Variants in NTRK3 observed in about 807,000 individuals in gnomAD.
The protein encoded by NTRK3 is neurotrophic receptor tyrosine kinase 3.
NTRK3 carries 24 observed loss-of-function variants against 91.7 expected under a neutral mutation model. That is an observed-to-expected ratio of 0.26 (90% CI 0.19 to 0.37). NTRK3 has a LOEUF of 0.37. Ranked by LOEUF, NTRK3 falls within the 10% of genes least tolerant of loss-of-function variation. NTRK3 has a pLI of 1.00. For synonymous variants in NTRK3, 483 were observed against 404.0 expected (o/e 1.20, Z -2.34); for missense variants, 880 against 1,068.9 (o/e 0.82, Z 2.46).
rs139049748 is a variant in NTRK3, at chr15:88,081,272, A to G, written c.1396+44999T>C. On this transcript the variant is annotated intron_variant, in intron 13 of 18. Transcript: ENST00000394480. ...CCAGTACCTAGGCTCAGAAGGTGAC[A>G]GAAGGATGGGGTGGAGTGGGACAGG... is the stretch of plus-strand genomic sequence containing the variant. Among the ~76,000 whole-genome samples, 888 of 152,304 alleles carry G rather than the reference A, an allele frequency of 5.8e-3. 15 individuals are homozygous for G. The highest frequency in any genetic ancestry group is 0.016 in the South Asian group (75 of 4,828).
chr15:88,087,127 G>A (rs181435747), intron 13 of NTRK3, among the ~76,000 whole-genome samples: 6 of 152,310 alleles, frequency 3.9e-5, no homozygotes, highest in South Asian at 2.1e-4. Flanking sequence ...GATGTGAGGC[G>A]AATATAACAA....
intron 6 of NTRK3, among the ~76,000 whole-genome samples, chr15:88,146,891 G>A (rs943559581): frequency 3.3e-5 from 5 of 152,096 alleles, no homozygotes; most frequent in Non-Finnish European, 7.4e-5. Flanking sequence ...GTCTTTCTAA[G>A]CCTCAGAATC....
intron 14 of NTRK3, among the ~76,000 whole-genome samples, chr15:88,019,609 G>C (rs1246764529): frequency 6.6e-6 from 1 of 152,196 alleles, no homozygotes; most frequent in Non-Finnish European, 1.5e-5. Flanking sequence ...AGCTTTCTCA[G>C]TTTCAACCCA....
At chr15:88,104,220 C>T (rs750194260) in intron 13 of NTRK3, among the ~76,000 whole-genome samples, 4 of 152,194 alleles carry the variant, frequency 2.6e-5, no homozygotes, top group African/African-American at 4.8e-5. Flanking sequence ...TGAAAGATGA[C>T]GACTTTTCAC....
chr15:88,000,632 C>T (rs1303302095), intron 14 of NTRK3, among the ~76,000 whole-genome samples: 7 of 152,172 alleles, frequency 4.6e-5, no homozygotes, highest in African/African-American at 1.7e-4. Flanking sequence ...TTGAATCTAG[C>T]TTCTTTCACT....
At chr15:88,006,246 T>C (rs1213104349) in intron 14 of NTRK3, among the ~76,000 whole-genome samples, 1 of 152,238 alleles carries the variant, frequency 6.6e-6, no homozygotes, top group Non-Finnish European at 1.5e-5. Flanking sequence ...TCTCTCCTTC[T>C]CTTCCACCCC....
intron 17 of NTRK3, among the ~76,000 whole-genome samples, chr15:87,886,484 C>G (rs1167074790): frequency 6.6e-6 from 1 of 150,418 alleles, no homozygotes; most frequent in East Asian, 1.9e-4. Context: ...TATTAAGTGA[C>G]AACACAAGGC....
exon 19 of NTRK3, chr15:87,864,256 T>C: frequency 4.3e-6 from 1 of 232,420 alleles, no homozygotes; most frequent in Non-Finnish European, 8.5e-6. Flanking sequence ...AAAAATAACA[T>C]GAGTCATTTT....
intron 3 of NTRK3, among the ~76,000 whole-genome samples, chr15:88,245,227 C>A (rs1392641521): frequency 1.3e-5 from 2 of 152,220 alleles, no homozygotes; most frequent in African/African-American, 4.8e-5. Context: ...CACTGCCCAT[C>A]ACCTCTTACA....
chr15:87,873,115 C>G (rs1038189827), exon 19 of NTRK3: 3 of 232,136 alleles, frequency 1.3e-5, no homozygotes, highest in Non-Finnish European at 2.6e-5. Context: ...TTGGTTTCTG[C>G]AGTATTTAGC....
chr15:87,926,444 G>A (rs755406806), intron 17 of NTRK3, among the ~76,000 whole-genome samples: 17 of 152,022 alleles, frequency 1.1e-4, no homozygotes, highest in Non-Finnish European at 1.6e-4. Flanking sequence ...CATACATTTC[G>A]AGCTAGCTGG....
chr15:88,140,242 C>G (rs2042262779), intron 6 of NTRK3, among the ~76,000 whole-genome samples: 1 of 152,116 alleles, frequency 6.6e-6, no homozygotes, highest in Non-Finnish European at 1.5e-5. Flanking sequence ...AGGAGGAAAA[C>G]TAGAGATTGA....
At chr15:88,191,620 G>A (rs1402387665) in intron 3 of NTRK3, among the ~76,000 whole-genome samples, 1 of 152,222 alleles carries the variant, frequency 6.6e-6, no homozygotes, top group Non-Finnish European at 1.5e-5. Context: ...ATGCACGTGT[G>A]CACACACACG....
At chr15:87,865,964 G>T (rs2064664132) in exon 19 of NTRK3, 1 of 231,260 alleles carries the variant, frequency 4.3e-6, no homozygotes, top group Non-Finnish European at 8.6e-6. Context: ...CTCAAAAGCG[G>T]CTCTCAGTCA....
chr15:88,162,174 C>CA (rs566089962), intron 5 of NTRK3, among the ~76,000 whole-genome samples: 1 of 152,198 alleles, frequency 6.6e-6, no homozygotes, highest in Non-Finnish European at 1.5e-5. Context: ...ATAAGGCTTC[C>CA]AGAAGGTTCT....
At chr15:88,193,448 G>A (rs2047568630) in intron 3 of NTRK3, among the ~76,000 whole-genome samples, 1 of 152,184 alleles carries the variant, frequency 6.6e-6, no homozygotes, top group South Asian at 2.1e-4. Context: ...GGGGAAGTAG[G>A]AGGGCCCTAC....
chr15:88,247,259 G>C (rs532508810), intron 3 of NTRK3, among the ~76,000 whole-genome samples: 2 of 152,204 alleles, frequency 1.3e-5, no homozygotes, highest in South Asian at 4.2e-4. Flanking sequence ...GTAAAAGCCC[G>C]AACCCCTCAG....
At chr15:88,256,011 G>T (rs772316369) in exon 3 of NTRK3, 4 of 1,613,592 alleles carry the variant, frequency 2.5e-6, no homozygotes, top group Non-Finnish European at 2.5e-6. Flanking sequence ...CCCATCGTCC[G>T]GCCGCCGGCA....
At chr15:88,121,666 C>A (rs1304214052) in intron 13 of NTRK3, among the ~76,000 whole-genome samples, 1 of 152,174 alleles carries the variant, frequency 6.6e-6, no homozygotes, top group African/African-American at 2.4e-5. Context: ...ACCTCCCAAC[C>A]ACCCTGGCCA....
Sources: gnomAD v4.1 joint callset for allele counts (sites outside exome capture counted in the v4.1 genomes callset) on GRCh38, gnomAD v4.1.1 for gene constraint, MANE v1.5 for transcripts, NCBI Gene and HGNC (gene_info 2026-07-23, HGNC 2026-07-21) for gene names.